The following PEX5L variants were observed in gnomAD, a reference collection of about 807,000 sequenced individuals.
PEX5L encodes PEX5-related protein.
In PEX5L, 30 loss-of-function variants were observed where a neutral mutation model predicts 84.0. The ratio of observed to expected loss-of-function variants is 0.36; its 90% confidence interval spans 0.27 to 0.48. PEX5L has a LOEUF of 0.48. Ranked by LOEUF, PEX5L falls within the 20% of genes least tolerant of loss-of-function variation. The probability of loss-of-function intolerance (pLI) is 0.99; values close to 1 mark genes in which losing one functional copy is unlikely to be tolerated. For missense variants in PEX5L, 533 were observed against 754.6 expected, an observed-to-expected ratio of 0.71 and a Z score of 3.44; for synonymous variants, 270 against 283.1, an observed-to-expected ratio of 0.95 and a Z score of 0.46.
chr3:179,824,908 A>G (rs1287148261), intron 8 of PEX5L, among the ~76,000 whole-genome samples: 1 of 152,114 alleles, frequency 6.6e-6, no homozygotes, highest in East Asian at 1.9e-4. Flanking sequence ...TACTCACCAT[A>G]TTTCCTGTTG....
chr3:179,958,794 T>A (rs1781266064), intron 2 of PEX5L, among the ~76,000 whole-genome samples: 1 of 152,138 alleles, frequency 6.6e-6, no homozygotes, highest in Non-Finnish European at 1.5e-5. Flanking sequence ...AAATAAAAAA[T>A]TAATGTCTTT....
chr3:179,831,958 A>G (rs1410409910), intron 8 of PEX5L, among the ~76,000 whole-genome samples: 1 of 152,182 alleles, frequency 6.6e-6, no homozygotes, highest in Non-Finnish European at 1.5e-5. Flanking sequence ...ACTTTGTTCT[A>G]AGGACAAGTG....
At chr3:179,938,791 C>A (rs1040881636) in intron 2 of PEX5L, among the ~76,000 whole-genome samples, 1 of 152,182 alleles carries the variant, frequency 6.6e-6, no homozygotes, top group African/African-American at 2.4e-5. Flanking sequence ...TTGGGGCATG[C>A]TGCATTTTGT....
rs570003553 is a variant in PEX5L at position 179,981,149 on chromosome 3, T to C, written c.22-9484A>G. ...TTGATATAAAAATTATTACTGCTAA[T>C]GAGGAGGATGGGGTGGCTGGAACAG... On this transcript the variant is annotated intron_variant, in intron 1 of 14. Transcript: ENST00000467460. 7.9e-5 allele frequency among the ~76,000 whole-genome samples: 12 copies of C among 152,114 alleles called. No individual in the cohort carries two copies. The South Asian group carries it at 2.5e-3, about 32-fold the overall frequency.
chr3:179,894,072 T>A (rs1164212397), intron 3 of PEX5L, among the ~76,000 whole-genome samples: 1 of 152,038 alleles, frequency 6.6e-6, no homozygotes, highest in Non-Finnish European at 1.5e-5. Flanking sequence ...CTCTGTGACA[T>A]TGTTAATTTA....
At chr3:179,929,390 G>A (rs1454844801) in intron 2 of PEX5L, among the ~76,000 whole-genome samples, 1 of 151,892 alleles carries the variant, frequency 6.6e-6, no homozygotes, top group African/African-American at 2.4e-5. Flanking sequence ...AAAGAGTAGA[G>A]CTAAGTATAA....
At chr3:179,826,813 G>A (rs1449315404) in intron 8 of PEX5L, among the ~76,000 whole-genome samples, 5 of 152,112 alleles carry the variant, frequency 3.3e-5, no homozygotes, top group African/African-American at 1.2e-4. Flanking sequence ...TATTGCACAT[G>A]TTTACTAAGC....
intron 1 of PEX5L, among the ~76,000 whole-genome samples, chr3:180,020,462 A>G (rs532318938): frequency 6.6e-6 from 1 of 152,266 alleles, no homozygotes; most frequent in Non-Finnish European, 1.5e-5. Context: ...TACATTAAGT[A>G]CTATCTCAAA....
chr3:179,866,057 A>T (rs1748010883), intron 7 of PEX5L, among the ~76,000 whole-genome samples: 1 of 152,164 alleles, frequency 6.6e-6, no homozygotes, highest in African/African-American at 2.4e-5. Context: ...GGATTGTAGG[A>T]TATTGCACTC....
intron 1 of PEX5L, among the ~76,000 whole-genome samples, chr3:179,997,545 T>C (rs944463183): frequency 2.0e-5 from 3 of 152,084 alleles, no homozygotes; most frequent in Non-Finnish European, 4.4e-5. Flanking sequence ...AAAAACAATA[T>C]CACATCCCTG....
At chr3:179,900,049 A>T (rs1178012478) in intron 2 of PEX5L, among the ~76,000 whole-genome samples, 1 of 152,222 alleles carries the variant, frequency 6.6e-6, no homozygotes, top group African/African-American at 2.4e-5. Context: ...GAAAAGATTT[A>T]TTATGGCACT....
chr3:180,031,556 C>T (rs1165977950), intron 1 of PEX5L, among the ~76,000 whole-genome samples: 2 of 152,120 alleles, frequency 1.3e-5, no homozygotes, highest in Admixed American at 1.3e-4. Context: ...TTTTAGATGT[C>T]CCAAACATTC....
intron 10 of PEX5L, among the ~76,000 whole-genome samples, chr3:179,813,630 T>TG (rs1333196005): frequency 6.6e-6 from 1 of 150,822 alleles, no homozygotes; most frequent in Non-Finnish European, 1.5e-5. Flanking sequence ...CCCGAGTAGC[T>TG]GGGATTACAG....
In PEX5L at chr3:180,020,461, T is replaced by C. The variant is rs187388560; in HGVS notation, c.21+16118A>G. Among the ~76,000 whole-genome samples the C allele has an allele frequency of 1.3e-3, 204 of 152,264 alleles. 2 individuals are homozygous for C. The highest frequency in any genetic ancestry group is 4.8e-3 in the African/African-American group (199 of 41,564). ...TAAATTGCTTTTTTATTACATTAAG[T>C]ACTATCTCAAAATGTTAATTTATTA... On this transcript the variant is annotated intron_variant, in intron 1 of 14. Transcript: ENST00000467460.
At position 179,971,653 on chromosome 3, in the gene PEX5L, G is replaced by C. The variant is rs1560988841; in HGVS notation, c.34C>G (p.Gln12Glu). ...TCACTGCTTAGTTTTCCATATCCTT[G>C]TTCTTTACTTTTCTTGTGAAAGAAT... ...YQGHMQKSKE[Q>E]GYGKLSSDED... Residue 12 changes from glutamine to glutamate, a missense_variant, in exon 2 of 15, where the codon CAA (glutamine) becomes GAA (glutamate). Gln to Glu is a conservative substitution (Grantham distance 29). This residue lies in a region of PEX5L where 259 missense variants were observed against 301.7 expected (regional missense o/e 0.86). Coordinates refer to ENST00000467460, the MANE Select transcript of PEX5L (RefSeq NM_016559.3). 1 of 1,601,812 alleles carries C rather than the reference G, an allele frequency of 6.2e-7. No homozygotes were observed. The highest frequency in any genetic ancestry group is 8.5e-7 in the Non-Finnish European group (1 of 1,174,556).
intron 9 of PEX5L, among the ~76,000 whole-genome samples, chr3:179,818,958 T>C (rs1388170502): frequency 6.6e-6 from 1 of 151,436 alleles, no homozygotes; most frequent in African/African-American, 2.4e-5. Context: ...TCCTCCCACC[T>C]CAGCCTCCTG....
At chr3:179,881,007 T>C (rs926805944) in intron 4 of PEX5L, 9 of 152,286 alleles carry the variant, frequency 5.9e-5, no homozygotes, top group East Asian at 1.9e-4. Context: ...GGCACTGCAC[T>C]GGAGAGACTA....
chr3:179,981,604 TG>T (rs147663756), intron 1 of PEX5L, among the ~76,000 whole-genome samples: 4,760 of 152,262 alleles, frequency 0.031, 225 homozygotes, highest in African/African-American at 0.1. Flanking sequence ...TAGCAGAGTA[TG>T]GGCCTACAAC....
intron 1 of PEX5L, among the ~76,000 whole-genome samples, chr3:179,972,760 C>CA (rs1389711057): frequency 1.3e-5 from 2 of 151,722 alleles, no homozygotes; most frequent in East Asian, 3.9e-4. Flanking sequence ...CCATAACATT[C>CA]AAAAACCAGA....
Sources: allele counts gnomAD v4.1 joint callset (sites outside exome capture counted in the v4.1 genomes callset), GRCh38; gene constraint gnomAD v4.1.1; regional missense constraint gnomAD v4.1.1; transcripts MANE v1.5; gene names NCBI Gene and HGNC (gene_info 2026-07-23, HGNC 2026-07-21).